RAPGEF4: variants seen among roughly 807,000 people sequenced by gnomAD.
The protein encoded by RAPGEF4 is RAP guanine-nucleotide-exchange factor (GEF) 4.
In RAPGEF4, 66 loss-of-function variants were observed where a neutral mutation model predicts 147.9. That is an observed-to-expected ratio of 0.45 (90% CI 0.37 to 0.55). The LOEUF is 0.55. Ranked by LOEUF, RAPGEF4 falls within the 20% of genes least tolerant of loss-of-function variation. The pLI, the probability that RAPGEF4 is intolerant of heterozygous loss-of-function variation, is 0.00. For missense variants in RAPGEF4, 1,071 were observed against 1,257.3 expected, an observed-to-expected ratio of 0.85 and a Z score of 2.24; for synonymous variants, 419 against 442.7, an observed-to-expected ratio of 0.95 and a Z score of 0.67.
intron 4 of RAPGEF4, among the ~76,000 whole-genome samples, chr2:172,881,946 TG>T (rs1387010181): frequency 6.6e-6 from 1 of 152,140 alleles, no homozygotes; most frequent in East Asian, 1.9e-4. Context: ...TGCCACCCTA[TG>T]GGGTTTAGTG....
rs558336254 is a variant in RAPGEF4 at position 172,794,359 on chromosome 2, A to AG, written c.66-666_66-665insG. Among the ~76,000 whole-genome samples the AG allele has an allele frequency of 2.3e-3, 344 of 151,192 alleles. 1 individual carries two copies. The highest frequency in any genetic ancestry group is 3.8e-3 in the Non-Finnish European group (256 of 67,716). On this transcript the variant is annotated intron_variant, in intron 1 of 30. Transcript: ENST00000397081. The stretch of plus-strand genomic sequence containing the variant: ...TGAAACTCCATCTCAAAAAAAAAAA[A>AG]AAAAAAGAAAAAAGAAAAAAGCAGA...
Position 172,821,949 on chromosome 2 carries a change from C to T in RAPGEF4, c.444+7524C>T, listed in dbSNP as rs371140768. 131 of 1,612,822 alleles carry T rather than the reference C, an allele frequency of 8.1e-5. 1 individual carries two copies. The Middle Eastern group carries it at 2.8e-3, about 35-fold the overall frequency. ...TGGATGTCTGAGAACTTTGAGAGAC[C>T]GAAAAAGAAGGACGTATGCTCTACA... On this transcript the variant is annotated intron_variant, in intron 4 of 30. Transcript: ENST00000397081.
intron 1 of RAPGEF4, among the ~76,000 whole-genome samples, chr2:172,757,824 T>A (rs1387790579): frequency 6.6e-6 from 1 of 152,234 alleles, no homozygotes; most frequent in Admixed American, 6.5e-5. Context: ...TGTAATGAGA[T>A]TAATTCTTGC....
chr2:172,891,735 G>A (rs1027073100), intron 4 of RAPGEF4, among the ~76,000 whole-genome samples: 1 of 152,176 alleles, frequency 6.6e-6, no homozygotes, highest in African/African-American at 2.4e-5. Context: ...GACAGAATGG[G>A]ACTTGGTCTG....
At chr2:172,747,038 C>T (rs1694837481) in intron 1 of RAPGEF4, among the ~76,000 whole-genome samples, 1 of 152,158 alleles carries the variant, frequency 6.6e-6, no homozygotes, top group Admixed American at 6.5e-5. Flanking sequence ...TAGAAAAGAT[C>T]TTTGATGAGA....
At chr2:172,928,170 T>A in intron 6 of RAPGEF4, 1 of 454,650 alleles carries the variant, frequency 2.2e-6, no homozygotes, top group East Asian at 6.9e-5. Flanking sequence ...ATGTTGAAGG[T>A]GCCAAGAACA....
chr2:173,051,648 G>GAT lies in RAPGEF4; in HGVS notation c.2917_2918insAT (p.Ala973AspfsTer19). On this transcript the variant is annotated frameshift_variant, in exon 31 of 31. Coordinates refer to ENST00000397081, the MANE Select transcript of RAPGEF4 (RefSeq NM_007023.4). LOFTEE classifies it high-confidence loss of function. ...CTTTCCTCTTTCAACAGATCCTGAT[G>GAT]CAGCTCAAGCTAATAAGAACCATCA... 1 of 1,613,718 alleles carries GAT rather than the reference G, an allele frequency of 6.2e-7. No individual in the cohort carries two copies.
rs143288658 is a variant in RAPGEF4 at position 172,902,295 on chromosome 2, C to CTTTCTTTA, written c.445-15504_445-15503insCTTTATTT. Among the ~76,000 whole-genome samples the CTTTCTTTA allele has an allele frequency of 4.0e-5, 6 of 148,442 alleles. No individual in the cohort carries two copies. The East Asian group carries it at 8.1e-4, about 20-fold the overall frequency. Reference sequence around the variant, plus strand: ...TGGAGCCCATGTCTGCCTGGATCTTCTTTATTTATTTATTTATTTATTTAT... The same window carrying CTTTCTTTA: ...TGGAGCCCATGTCTGCCTGGATCTTCTTTCTTTATTTATTTATTTATTTATTTATTTAT... On this transcript the variant is annotated intron_variant, in intron 4 of 30. Coordinates refer to ENST00000397081, the MANE Select transcript of RAPGEF4 (RefSeq NM_007023.4).
Position 172,909,036 on chromosome 2 carries a change from T to A in RAPGEF4, c.445-8766T>A, listed in dbSNP as rs180675089. Among the ~76,000 whole-genome samples the A allele has an allele frequency of 5.6e-3, 846 of 152,312 alleles. 3 individuals are homozygous for A. Among genetic ancestry groups the A allele is most frequent in the Non-Finnish European group, 9.1e-3 (621 of 68,026 alleles). On this transcript the variant is annotated intron_variant, in intron 4 of 30. Coordinates refer to ENST00000397081, the MANE Select transcript of RAPGEF4 (RefSeq NM_007023.4). The stretch of plus-strand genomic sequence containing the variant: ...GACAGGGAGTGTGCATGAGTCCTCC[T>A]GATAGGGGCCTCCCACGTGTATTAG...
Position 172,777,261 on chromosome 2 carries a change from AAT to A in RAPGEF4, c.66-17762_66-17761del, listed in dbSNP as rs545518891. Among the ~76,000 whole-genome samples, 763 of 152,230 alleles carry A rather than the reference AAT, an allele frequency of 5.0e-3. 6 individuals carry two copies. Among genetic ancestry groups the A allele is most frequent in the African/African-American group, 0.018 (728 of 41,530 alleles). ...GAAAGTGTTTCTAGGCAAAATAACA[AAT>A]AAAAAAGGTATAAACAGTATATTTA... On this transcript the variant is annotated intron_variant, in intron 1 of 30. Coordinates refer to ENST00000397081, the MANE Select transcript of RAPGEF4 (RefSeq NM_007023.4).
At chr2:172,918,116 A>G in intron 5 of RAPGEF4, 1 of 667,556 alleles carries the variant, frequency 1.5e-6, no homozygotes, top group South Asian at 1.6e-5. Flanking sequence ...TTTGGCATGC[A>G]TAGAATACTT....
At chr2:172,754,607 G>T (rs1695590463) in intron 1 of RAPGEF4, among the ~76,000 whole-genome samples, 1 of 152,178 alleles carries the variant, frequency 6.6e-6, no homozygotes, top group African/African-American at 2.4e-5. Flanking sequence ...GCTGCTAAGT[G>T]CTAGGGACCA....
chr2:172,892,349 C>G (rs1327089781), intron 4 of RAPGEF4, among the ~76,000 whole-genome samples: 14 of 152,188 alleles, frequency 9.2e-5, no homozygotes. Context: ...ACTCCACTGC[C>G]CTTTCCTTAT....
chr2:173,043,728 G>T (rs1685061198), intron 29 of RAPGEF4, among the ~76,000 whole-genome samples: 1 of 152,230 alleles, frequency 6.6e-6, no homozygotes, highest in South Asian at 2.1e-4. Flanking sequence ...CCTGCCAAGA[G>T]CCAGGCCGCA....
intron 1 of RAPGEF4, among the ~76,000 whole-genome samples, chr2:172,783,734 A>G (rs775339431): frequency 1.3e-5 from 2 of 151,338 alleles, no homozygotes; most frequent in Non-Finnish European, 2.9e-5. Flanking sequence ...GGGTATGTAT[A>G]TGGGTATCTG....
intron 1 of RAPGEF4, among the ~76,000 whole-genome samples, chr2:172,741,509 T>C (rs1694293578): frequency 6.6e-6 from 1 of 152,186 alleles, no homozygotes; most frequent in Non-Finnish European, 1.5e-5. Context: ...GTTTTTTGGC[T>C]AATGTGAATA....
intron 3 of RAPGEF4, among the ~76,000 whole-genome samples, chr2:172,799,668 GT>G (rs1011169820): frequency 2.0e-5 from 3 of 152,170 alleles, no homozygotes; most frequent in African/African-American, 7.2e-5. Flanking sequence ...TCCTGAATGA[GT>G]GATAATGGAG....
intron 4 of RAPGEF4, among the ~76,000 whole-genome samples, chr2:172,904,850 A>G (rs1179299190): frequency 6.6e-6 from 1 of 151,626 alleles, no homozygotes; most frequent in Non-Finnish European, 1.5e-5. Flanking sequence ...ACCATCCTCC[A>G]AGCAGCAGGC....
At chr2:172,805,932 T>C (rs1029313744) in intron 3 of RAPGEF4, among the ~76,000 whole-genome samples, 2 of 152,080 alleles carry the variant, frequency 1.3e-5, no homozygotes, top group African/African-American at 2.4e-5. Flanking sequence ...GAGATGAACA[T>C]TGGGACAAGT....
Sources: gnomAD v4.1 joint callset for allele counts (sites outside exome capture counted in the v4.1 genomes callset) on GRCh38, gnomAD v4.1.1 for gene constraint, MANE v1.5 for transcripts, NCBI Gene and HGNC (gene_info 2026-07-23, HGNC 2026-07-21) for gene names.